H2BC18: variants seen among roughly 807,000 people sequenced by gnomAD.
H2BC18 encodes H2B clustered histone 18.
In H2BC18, 8 loss-of-function variants were observed where a neutral mutation model predicts 6.3. The ratio of observed to expected loss-of-function variants is 1.28; its 90% CI spans 0.75 to 2.31. The LOEUF is 2.31. H2BC18 is among the 30% of genes most tolerant of loss of function. H2BC18 has a pLI of 0.00. For synonymous variants in H2BC18, 104 were observed against 78.1 expected (o/e 1.33, Z -1.75); for missense variants, 106 against 174.5 (o/e 0.61, Z 2.21).
chr1:149,788,408 G>A, intron 1 of H2BC18: 2 of 1,613,608 alleles, frequency 1.2e-6, no homozygotes, highest in Middle Eastern at 1.7e-4. Flanking sequence ...TTCACGGAAG[G>A]AGAACCTCTG....
chr1:149,790,670 C>T (rs2091686742), intron 1 of H2BC18, among the ~76,000 whole-genome samples: 2 of 150,340 alleles, frequency 1.3e-5, no homozygotes, highest in African/African-American at 4.9e-5. Context: ...CCCCTTCTCT[C>T]TCTCTCTCTC....
At chr1:149,797,673 C>G (rs587644724) in intron 1 of H2BC18, among the ~76,000 whole-genome samples, 1 of 152,308 alleles carries the variant, frequency 6.6e-6, no homozygotes, top group African/African-American at 2.4e-5. Flanking sequence ...TCTCAACTCA[C>G]TGTAACCCTC....
intron 1 of H2BC18, chr1:149,786,610 G>A (rs2091557109): frequency 6.6e-6 from 1 of 152,022 alleles, no homozygotes; most frequent in Non-Finnish European, 1.5e-5. Flanking sequence ...GTGGACCCGA[G>A]CCCTAATCAT....
chr1:149,793,925 A>C (rs2091769662), intron 1 of H2BC18: 1 of 1,285,312 alleles, frequency 7.8e-7, no homozygotes, highest in Non-Finnish European at 1.0e-6. Context: ...AAATGCCTTC[A>C]GGATTTAGGA....
intron 1 of H2BC18, among the ~76,000 whole-genome samples, chr1:149,800,575 A>G (rs12039485): frequency 0.2 from 28,139 of 140,530 alleles, 3,592 homozygotes; most frequent in East Asian, 0.41. Context: ...ATGTCAGGAA[A>G]TGGGGTTGAA....
chr1:149,789,152 AC>A (rs782518780), intron 1 of H2BC18, among the ~76,000 whole-genome samples: 19 of 150,942 alleles, frequency 1.3e-4, no homozygotes, highest in Non-Finnish European at 1.8e-4. Flanking sequence ...ATCACTAGCA[AC>A]CTTTCTCTGT....
chr1:149,789,230 G>A (rs1553751324), intron 1 of H2BC18, among the ~76,000 whole-genome samples: 1 of 151,730 alleles, frequency 6.6e-6, no homozygotes, highest in African/African-American at 2.4e-5. Context: ...TTTAAAGTCA[G>A]GAACAAAAAT....
intron 1 of H2BC18, among the ~76,000 whole-genome samples, chr1:149,789,565 T>G (rs2091648170): frequency 6.6e-6 from 1 of 152,168 alleles, no homozygotes; most frequent in Non-Finnish European, 1.5e-5. Flanking sequence ...TCCCAACCCT[T>G]ACTGGTCCGT....
intron 1 of H2BC18, among the ~76,000 whole-genome samples, chr1:149,788,858 A>G (rs1328094129): frequency 2.0e-5 from 3 of 152,070 alleles, no homozygotes; most frequent in Non-Finnish European, 4.4e-5. Flanking sequence ...GCTAATGTCA[A>G]TGTCAGGGCA....
At chr1:149,793,006 T>A (rs1553752292) in intron 1 of H2BC18, 8 of 1,270,694 alleles carry the variant, frequency 6.3e-6, no homozygotes, top group Non-Finnish European at 8.1e-6. Flanking sequence ...CGTAGCTGAG[T>A]CCCTCCAACC....
At chr1:149,786,063 G>A (rs1242513602) in intron 1 of H2BC18, 3 of 152,140 alleles carry the variant, frequency 2.0e-5, no homozygotes, top group Middle Eastern at 3.4e-3. Context: ...CTTACAAATA[G>A]TAATGCTGTG....
intron 1 of H2BC18, chr1:149,793,040 G>T (rs587684050): frequency 4.0e-6 from 5 of 1,262,214 alleles, no homozygotes; most frequent in Middle Eastern, 3.3e-4. Flanking sequence ...GCCAGCTCCC[G>T]GGCCCCGGCG....
At chr1:149,791,420 A>G (rs2091708564) in intron 1 of H2BC18, 1 of 1,604,006 alleles carries the variant, frequency 6.2e-7, no homozygotes, top group Admixed American at 1.7e-5. Flanking sequence ...AGCCTTCAAG[A>G]AGACAGACAT....
At chr1:149,802,110 G>T (rs1217422879) in intron 1 of H2BC18, among the ~76,000 whole-genome samples, 5 of 151,994 alleles carry the variant, frequency 3.3e-5, no homozygotes, top group Admixed American at 2.0e-4. Flanking sequence ...GCTGTTTCAG[G>T]GGGGCAGGCG....
chr1:149,806,801 A>G (rs1286685210), intron 1 of H2BC18, among the ~76,000 whole-genome samples: 4 of 152,212 alleles, frequency 2.6e-5, no homozygotes, highest in African/African-American at 9.7e-5. Flanking sequence ...GCAAGTGCAA[A>G]CATCCTGAGA....
chr1:149,788,925 C>G (rs1251998072), intron 1 of H2BC18, among the ~76,000 whole-genome samples: 5 of 151,954 alleles, frequency 3.3e-5, no homozygotes, highest in African/African-American at 9.7e-5. Context: ...CAGACTCACT[C>G]TAGGTAGATA....
intron 1 of H2BC18, chr1:149,786,181 A>AT (rs2091544898): frequency 6.6e-6 from 1 of 152,076 alleles, no homozygotes; most frequent in Non-Finnish European, 1.5e-5. Context: ...ACAAATGCAA[A>AT]TTAAGCATTT....
chr1:149,802,262 T>C (rs1197027074), intron 1 of H2BC18, among the ~76,000 whole-genome samples: 30 of 152,180 alleles, frequency 2.0e-4, no homozygotes, highest in African/African-American at 7.0e-4. Context: ...TCATCAAATT[T>C]TCATAATGTG....
intron 1 of H2BC18, among the ~76,000 whole-genome samples, chr1:149,801,175 G>T (rs1553753296): frequency 2.0e-5 from 3 of 152,020 alleles, no homozygotes; most frequent in African/African-American, 7.2e-5. Flanking sequence ...CCTGTCAGTT[G>T]CCCCAAGACC....
Sources: gnomAD v4.1 joint callset for allele counts (sites outside exome capture counted in the v4.1 genomes callset) on GRCh38, gnomAD v4.1.1 for gene constraint, MANE v1.5 for transcripts, NCBI Gene and HGNC (gene_info 2026-07-23, HGNC 2026-07-21) for gene names.